SYNE1: variants seen among roughly 807,000 people sequenced by gnomAD.
SYNE1 encodes the protein nesprin-1.
Under a neutral mutation model 1,111.0 loss-of-function variants are expected in SYNE1, and 616 were observed. That is an observed-to-expected ratio of 0.55 (90% CI 0.52 to 0.59). The LOEUF (loss-of-function observed/expected upper bound fraction) is 0.59. Ranked by LOEUF, SYNE1 falls within the 20% of genes least tolerant of loss-of-function variation. SYNE1 has a pLI of 0.00. For missense variants in SYNE1, 10,006 were observed against 10,417.0 expected, an observed-to-expected ratio of 0.96 and a Z score of 1.72; for synonymous variants, 3,855 against 3,825.8, an observed-to-expected ratio of 1.01 and a Z score of -0.28.
At chr6:152,335,400 T>A (rs2096362115) in intron 76 of SYNE1, 1 of 152,240 alleles carries the variant, frequency 6.6e-6, no homozygotes, top group African/African-American at 2.4e-5. Context: ...TATTAAGACA[T>A]TTCTGTATTT....
intron 56 of SYNE1, among the ~76,000 whole-genome samples, chr6:152,380,021 C>A (rs1297851127): frequency 6.6e-6 from 1 of 152,106 alleles, no homozygotes; most frequent in Admixed American, 6.5e-5. Flanking sequence ...GATTTCTATG[C>A]TTTATTCTGG....
In SYNE1 at chr6:152,390,260, T is replaced by G. The variant is rs214943; in HGVS notation, c.8177+20A>C. 1 of 1,612,474 alleles carries G rather than the reference T, an allele frequency of 6.2e-7. No individual in the cohort carries two copies. The highest frequency in any genetic ancestry group is 8.5e-7 in the Non-Finnish European group (1 of 1,179,236). On this transcript the variant is annotated intron_variant, in intron 53 of 145. Coordinates refer to ENST00000367255, the MANE Select transcript of SYNE1 (RefSeq NM_182961.4). Reference sequence around the variant, plus strand: ...GTCACTGCATTGGACTTAAACAAACTCTAAAAATAGGTTCTGTACCTTTGA... The same window carrying G: ...GTCACTGCATTGGACTTAAACAAACGCTAAAAATAGGTTCTGTACCTTTGA...
chr6:152,213,423 C>A (rs528971941), intron 123 of SYNE1, among the ~76,000 whole-genome samples, 189 bp downstream of exon 123: 6 of 152,264 alleles, frequency 3.9e-5, no homozygotes, highest in Admixed American at 2.0e-4. Flanking sequence ...AATCATGGAG[C>A]AGCGAATAGG....
intron 4 of SYNE1, among the ~76,000 whole-genome samples, chr6:152,530,322 G>A (rs1313234841): frequency 2.6e-5 from 4 of 152,110 alleles, no homozygotes; most frequent in African/African-American, 4.8e-5. Flanking sequence ...CACAACTGAC[G>A]TGTCTAATTT....
intron 6 of SYNE1, among the ~76,000 whole-genome samples, chr6:152,513,924 C>T (rs1165764945): frequency 3.9e-5 from 6 of 151,966 alleles, no homozygotes; most frequent in South Asian, 2.1e-4. Context: ...AAAACCACAA[C>T]GAGATACCAT....
At chr6:152,360,444 T>C (rs183615305) in intron 64 of SYNE1, among the ~76,000 whole-genome samples, 60 of 152,326 alleles carry the variant, frequency 3.9e-4, no homozygotes, top group African/African-American at 1.4e-3. Context: ...GCATGGACTA[T>C]ATGTCTGCTG....
rs2064089349 is a variant in SYNE1, at chr6:152,168,036, G to A, written c.23628-3711C>T. ...TTGGCAAAAACAGTTCTGGATTAAGGCTTCCAGCGTCTATCCTACAAACCC... is the reference window on the plus strand; with the variant it reads ...TTGGCAAAAACAGTTCTGGATTAAGACTTCCAGCGTCTATCCTACAAACCC... On this transcript the variant is annotated intron_variant, in intron 130 of 145. Transcript: ENST00000367255. 6 of 780,488 alleles carry A rather than the reference G, an allele frequency of 7.7e-6. No individual in the cohort carries two copies. In the East Asian group the frequency reaches 1.2e-4, roughly 16 times the overall value. 48.3% of individuals were successfully genotyped at this position (780,488 alleles called of 1,614,324 possible). A position where few individuals can be genotyped will look rare whatever the true frequency, so the allele number is the denominator to read the frequency against.
chr6:152,464,624 A>C (rs2098753428), intron 18 of SYNE1, among the ~76,000 whole-genome samples: 1 of 152,196 alleles, frequency 6.6e-6, no homozygotes, highest in Non-Finnish European at 1.5e-5. Flanking sequence ...TATCACTTAC[A>C]TATAAATTGA....
chr6:152,566,463 C>CA (rs1437853399), intron 3 of SYNE1, among the ~76,000 whole-genome samples: 1 of 151,392 alleles, frequency 6.6e-6, no homozygotes, highest in East Asian at 1.9e-4. Flanking sequence ...GAAGGAGGTG[C>CA]AGAGGGGACA....
chr6:152,504,726 C>A (rs576285351), intron 9 of SYNE1, among the ~76,000 whole-genome samples: 1 of 152,288 alleles, frequency 6.6e-6, no homozygotes, highest in Non-Finnish European at 1.5e-5. Context: ...TTAGCACTCA[C>A]GCCCTTACCA....
Position 152,413,549 on chromosome 6 carries a change from A to G in SYNE1, c.6051-18T>C, listed in dbSNP as rs372534615. ...CTCTTAACCTGTGAATTAAAATGTT[A>G]TTTTCCTATTAATTTACTAAAGGTA... On this transcript the variant is annotated intron_variant, in intron 41 of 145. Transcript: ENST00000367255. 3.1e-6 allele frequency: 5 copies of G among 1,612,198 alleles called. No individual in the cohort carries two copies. In the African/African-American group the frequency reaches 4.0e-5, roughly 13 times the overall value.
At chr6:152,341,885 T>C (rs2096541230) in intron 74 of SYNE1, among the ~76,000 whole-genome samples, 1 of 152,198 alleles carries the variant, frequency 6.6e-6, no homozygotes, top group African/African-American at 2.4e-5. Flanking sequence ...ATGGTTTTGC[T>C]TACAGTTTCA....
intron 130 of SYNE1, among the ~76,000 whole-genome samples, chr6:152,176,056 C>T (rs2066395342): frequency 2.0e-5 from 3 of 150,436 alleles, no homozygotes; most frequent in Non-Finnish European, 2.9e-5. Flanking sequence ...AAAACACTCT[C>T]CACAAATACT....
intron 107 of SYNE1, among the ~76,000 whole-genome samples, chr6:152,240,151 G>A (rs1168442328): frequency 6.6e-6 from 1 of 152,154 alleles, no homozygotes; most frequent in Non-Finnish European, 1.5e-5. Flanking sequence ...GGCAGAGGGA[G>A]CAACTAGGAC....
chr6:152,218,889 T>C, intron 120 of SYNE1, 114 bp downstream of exon 120: 1 of 1,126,740 alleles, frequency 8.9e-7, no homozygotes, highest in Non-Finnish European at 1.3e-6. Context: ...CTTGCTATTT[T>C]CTTGAGTCTT....
intron 16 of SYNE1, among the ~76,000 whole-genome samples, chr6:152,469,453 A>G (rs908802260): frequency 6.6e-6 from 1 of 152,092 alleles, no homozygotes; most frequent in Non-Finnish European, 1.5e-5. Flanking sequence ...AGTGGCTGGT[A>G]TCTGCACTTC....
At chr6:152,419,220 C>T (rs894732032) in intron 40 of SYNE1, among the ~76,000 whole-genome samples, 1 of 151,992 alleles carries the variant, frequency 6.6e-6, no homozygotes, top group African/African-American at 2.4e-5. Context: ...AAACTATATC[C>T]TTAAAGTATT....
chr6:152,605,006 AAGAGAG>A (rs1166561188), intron 3 of SYNE1, among the ~76,000 whole-genome samples: 23 of 25,572 alleles, frequency 9.0e-4, no homozygotes, highest in Middle Eastern at 0.023. Flanking sequence ...GAAAGAAAGA[AAGAGAG>A]AGAGAGAGAG....
rs2084038577 is a variant in SYNE1 at position 152,236,361 on chromosome 6, A to G, written c.20200-58T>C. ...GGATATGCAATTTTTGTCTTTAAGA[A>G]TTATAATTTCTCTGGTACCTACAAT... is the stretch of plus-strand genomic sequence containing the variant. On this transcript the variant is annotated intron_variant, in intron 109 of 145. Transcript: ENST00000367255. 3.1e-6 allele frequency: 4 copies of G among 1,291,196 alleles called. No homozygotes were observed. In the South Asian group the frequency reaches 5.0e-5, roughly 16 times the overall value. 80.0% of individuals were successfully genotyped at this position (1,291,196 alleles called of 1,614,324 possible). A position where few individuals can be genotyped will look rare whatever the true frequency, so the allele number is the denominator to read the frequency against.
Sources: gnomAD v4.1 joint callset for allele counts (sites outside exome capture counted in the v4.1 genomes callset) on GRCh38, gnomAD v4.1.1 for gene constraint, MANE v1.5 for transcripts, NCBI Gene and HGNC (gene_info 2026-07-23, HGNC 2026-07-21) for gene names.